The following DGKB variants were observed in gnomAD, a reference collection of about 807,000 sequenced individuals.
DGKB encodes 90 kDa diacylglycerol kinase.
DGKB carries 67 observed loss-of-function variants against 114.3 expected under a neutral mutation model. The observed-to-expected ratio is 0.59, with a 90% confidence interval of 0.48 to 0.72. DGKB has a LOEUF of 0.72. Among genes scored for constraint, DGKB ranks in the 30% least tolerant of loss-of-function variants. DGKB has a pLI of 0.00. For synonymous variants in DGKB, 398 were observed against 323.1 expected, an observed-to-expected ratio of 1.23 and a Z score of -2.49; for missense variants, 907 against 975.2, an observed-to-expected ratio of 0.93 and a Z score of 0.93.
chr7:14,163,613 A>G (rs1346116449), intron 25 of DGKB, among the ~76,000 whole-genome samples: 1 of 152,210 alleles, frequency 6.6e-6, no homozygotes, highest in Non-Finnish European at 1.5e-5. Context: ...ACTCACAAGA[A>G]CAGCAGTCTG....
At chr7:14,429,852 G>A (rs1251893089) in intron 21 of DGKB, among the ~76,000 whole-genome samples, 5 of 152,118 alleles carry the variant, frequency 3.3e-5, no homozygotes, top group African/African-American at 9.6e-5. Context: ...ACCAGGACCC[G>A]GAAGGCGGAG....
chr7:14,162,560 T>C (rs1308668027), intron 25 of DGKB, among the ~76,000 whole-genome samples: 2 of 152,170 alleles, frequency 1.3e-5, no homozygotes, highest in Non-Finnish European at 2.9e-5. Context: ...AGTTCCTACA[T>C]GAGAATATGA....
intron 20 of DGKB, among the ~76,000 whole-genome samples, chr7:14,527,591 T>C (rs1193046181): frequency 6.6e-6 from 1 of 152,106 alleles, no homozygotes; most frequent in Non-Finnish European, 1.5e-5. Context: ...TACTTGACTC[T>C]ATATAAATCA....
chr7:14,320,579 A>G (rs1807581624), intron 23 of DGKB, among the ~76,000 whole-genome samples: 1 of 151,706 alleles, frequency 6.6e-6, no homozygotes, highest in African/African-American at 2.4e-5. Context: ...ATATGTGTAC[A>G]TATATAGTAC....
Position 14,731,928 on chromosome 7 carries a change from T to C in DGKB, c.322+4113A>G, listed in dbSNP as rs548995548. ...AATCAAAAGTCAAATATGGAAACAG[T>C]AGTAGTGACATCATTTTTAAATAGG... On this transcript the variant is annotated intron_variant, in intron 5 of 25. Coordinates refer to ENST00000402815, the MANE Select transcript of DGKB (RefSeq NM_001350709.2). Among the ~76,000 whole-genome samples, 35 of 152,236 alleles carry C rather than the reference T, an allele frequency of 2.3e-4. 1 individual carries two copies. The highest frequency in any genetic ancestry group is 8.2e-4 in the African/African-American group (34 of 41,560).
At chr7:14,534,306 CA>C (rs1447045092) in intron 20 of DGKB, among the ~76,000 whole-genome samples, 1 of 151,660 alleles carries the variant, frequency 6.6e-6, no homozygotes, top group African/African-American at 2.4e-5. Flanking sequence ...AGTAGATATG[CA>C]AAAGACAAAG....
At chr7:14,883,893 G>C (rs1343129398) in intron 1 of DGKB, among the ~76,000 whole-genome samples, 1 of 151,950 alleles carries the variant, frequency 6.6e-6, no homozygotes, top group African/African-American at 2.4e-5. Flanking sequence ...AAGTGGATTA[G>C]TAGAATAAGA....
chr7:14,418,384 T>TTCAC (rs1487250067), intron 21 of DGKB, among the ~76,000 whole-genome samples: 2,507 of 144,630 alleles, frequency 0.017, 96 homozygotes, highest in African/African-American at 0.059. Flanking sequence ...TATATATATA[T>TTCAC]ATATATATAC....
At chr7:14,968,670 T>C (rs1587477766) in intron 1 of DGKB, among the ~76,000 whole-genome samples, 1 of 152,150 alleles carries the variant, frequency 6.6e-6, no homozygotes. Context: ...GAGTTACTCA[T>C]TCTTTACCCA....
At chr7:14,329,605 T>G (rs780392810) in intron 23 of DGKB, among the ~76,000 whole-genome samples, 6 of 151,980 alleles carry the variant, frequency 3.9e-5, no homozygotes, top group African/African-American at 9.7e-5. Flanking sequence ...TATAATTTTT[T>G]AAAATCCTCC....
At chr7:14,673,610 TCAA>T (rs1819365696) in intron 12 of DGKB, among the ~76,000 whole-genome samples, 2 of 152,108 alleles carry the variant, frequency 1.3e-5, no homozygotes, top group Non-Finnish European at 2.9e-5. Flanking sequence ...ATTTATCAGC[TCAA>T]CGTTAAGTTA....
At chr7:14,591,820 A>T (rs1473163144) in intron 17 of DGKB, among the ~76,000 whole-genome samples, 2 of 152,000 alleles carry the variant, frequency 1.3e-5, no homozygotes, top group Admixed American at 1.3e-4. Context: ...CTTTGTGTTA[A>T]GATAAAATTG....
At chr7:14,602,830 G>A (rs943015725) in intron 17 of DGKB, among the ~76,000 whole-genome samples, 23 of 152,130 alleles carry the variant, frequency 1.5e-4, no homozygotes, top group African/African-American at 5.5e-4. Flanking sequence ...ATACGAAACG[G>A]TCATTTCAAA....
intron 1 of DGKB, among the ~76,000 whole-genome samples, chr7:14,891,520 A>G (rs1176023577): frequency 6.6e-6 from 1 of 151,544 alleles, no homozygotes; most frequent in Non-Finnish European, 1.5e-5. Flanking sequence ...TCAAAGGAAC[A>G]TTAGATTGGA....
At chr7:14,769,280 A>T (rs976351808) in intron 2 of DGKB, among the ~76,000 whole-genome samples, 1 of 147,288 alleles carries the variant, frequency 6.8e-6, no homozygotes, top group Non-Finnish European at 1.5e-5. Context: ...GAAAGAAAGA[A>T]AGATTTTGTA....
chr7:14,292,487 T>G (rs965845216), intron 23 of DGKB, among the ~76,000 whole-genome samples: 6 of 152,264 alleles, frequency 3.9e-5, no homozygotes, highest in Admixed American at 3.3e-4. Context: ...GTTATTTGTT[T>G]CTTTATCAAT....
At chr7:14,605,147 G>A (rs1180472844) in intron 17 of DGKB, among the ~76,000 whole-genome samples, 1 of 151,770 alleles carries the variant, frequency 6.6e-6, no homozygotes, top group Non-Finnish European at 1.5e-5. Flanking sequence ...TAAAACACAG[G>A]CAATATAAAT....
Position 14,469,876 on chromosome 7 carries a change from AT to A in DGKB, c.1835+8284del, listed in dbSNP as rs1781019960. Among the ~76,000 whole-genome samples, 2 of 151,998 alleles carry A rather than the reference AT, an allele frequency of 1.3e-5. 1 individual carries two copies. Among genetic ancestry groups the A allele is most frequent in the South Asian group, 4.1e-4 (2 of 4,834 alleles). ...AAATGAAAACTCTTAGCAAATATAT[AT>A]GTATACAAATATATAAATCGATGCA... On this transcript the variant is annotated intron_variant, in intron 21 of 25. Transcript: ENST00000402815.
At position 14,698,090 on chromosome 7, in the gene DGKB, C is replaced by T. The variant is rs760600186; in HGVS notation, c.591+5G>A. 2 of 1,506,718 alleles carry T rather than the reference C, an allele frequency of 1.3e-6. No individual in the cohort carries two copies. Among genetic ancestry groups the T allele is most frequent in the Non-Finnish European group, 1.8e-6 (2 of 1,107,178 alleles). 93.3% of individuals were successfully genotyped at this position (1,506,718 alleles called of 1,614,324 possible). On this transcript the variant is annotated splice_donor_5th_base_variant and intron_variant, in intron 8 of 25. Transcript: ENST00000402815. ...AGCCAATAGTGAAATCATTCATATA[C>T]CTACTGGATTAAGTTCAGTGACATC...
Sources: allele counts gnomAD v4.1 joint callset (sites outside exome capture counted in the v4.1 genomes callset), GRCh38; gene constraint gnomAD v4.1.1; transcripts MANE v1.5; gene names NCBI Gene and HGNC (gene_info 2026-07-23, HGNC 2026-07-21).